Variants in SNX29 observed in about 807,000 individuals in gnomAD.
SNX29 encodes sorting nexin 29.
SNX29 carries 78 observed loss-of-function variants against 102.1 expected under a neutral mutation model. The observed-to-expected ratio is 0.76, with a 90% confidence interval of 0.64 to 0.92. The LOEUF (loss-of-function observed/expected upper bound fraction) is 0.92. Ranked by LOEUF, SNX29 falls within the 40% of genes least tolerant of loss-of-function variation. SNX29 has a pLI of 0.00. For synonymous variants in SNX29, 580 were observed against 414.5 expected (o/e 1.40, Z -4.85); for missense variants, 1,280 against 1,061.7 (o/e 1.21, Z -2.86).
At position 12,568,862 on chromosome 16, in the gene SNX29, A is replaced by C. The variant is rs1395181581; in HGVS notation, c.*233A>C. On this transcript the variant is annotated 3_prime_UTR_variant, in exon 21 of 21. Coordinates refer to ENST00000566228, the MANE Select transcript of SNX29 (RefSeq NM_032167.5). ...CCTCGCTGGAGAGACTGGGACACAC[A>C]GTCCTTCTGCTTCTGGGGTCTACCC... 10 of 618,718 alleles carry C rather than the reference A, an allele frequency of 1.6e-5. No homozygotes were observed. The highest frequency in any genetic ancestry group is 1.3e-4 in the Admixed American group (4 of 30,192). The allele number at this position is 618,718 out of a possible 1,614,324, so 38.3% of individuals were successfully genotyped here. A position where few individuals can be genotyped will look rare whatever the true frequency, so the allele number is the denominator to read the frequency against.
chr16:12,460,531 C>T (rs1314278467), intron 18 of SNX29, among the ~76,000 whole-genome samples: 1 of 152,190 alleles, frequency 6.6e-6, no homozygotes, highest in Non-Finnish European at 1.5e-5. Context: ...CAGCCATCAC[C>T]TCCTCCAGGA....
At chr16:12,178,953 A>G (rs2076321483) in intron 13 of SNX29, among the ~76,000 whole-genome samples, 1 of 152,210 alleles carries the variant, frequency 6.6e-6, no homozygotes, top group Non-Finnish European at 1.5e-5. Context: ...TATCCCATGT[A>G]TCCCTGAGAT....
intron 16 of SNX29, among the ~76,000 whole-genome samples, chr16:12,377,951 A>C (rs143001185): frequency 0.01 from 1,522 of 151,076 alleles, 23 homozygotes; most frequent in African/African-American, 0.035. Context: ...AATCTTACAA[A>C]TAAAATAAAT....
At chr16:12,387,540 G>A (rs1401619667) in intron 16 of SNX29, among the ~76,000 whole-genome samples, 3 of 151,742 alleles carry the variant, frequency 2.0e-5, no homozygotes, top group Non-Finnish European at 4.4e-5. Context: ...AGGGGCTGGG[G>A]TGGGAGGGTG....
In SNX29 at chr16:12,539,664, G is replaced by T. The variant is rs138244093; in HGVS notation, c.2318+14823G>T. 3.0e-3 allele frequency among the ~76,000 whole-genome samples: 464 copies of T among 152,230 alleles called. 3 individuals are homozygous for T. Among genetic ancestry groups the T allele is most frequent in the African/African-American group, 0.01 (427 of 41,530 alleles). On this transcript the variant is annotated intron_variant, in intron 20 of 20. Coordinates refer to ENST00000566228, the MANE Select transcript of SNX29 (RefSeq NM_032167.5). The stretch of plus-strand genomic sequence containing the variant: ...AAACTGCATTCCCACAGCGTATGAG[G>T]GGCCCAGTTGCTCTGCACCCTGGGC...
At chr16:12,023,407 C>CAAA (rs565812913) in intron 3 of SNX29, among the ~76,000 whole-genome samples, 1 of 94,560 alleles carries the variant, frequency 1.1e-5, no homozygotes, top group Non-Finnish European at 2.0e-5. Context: ...GACTCTGTCT[C>CAAA]AAAAAAAAAA....
chr16:12,009,081 T>C (rs1300800446), intron 3 of SNX29, among the ~76,000 whole-genome samples: 1 of 152,190 alleles, frequency 6.6e-6, no homozygotes, highest in East Asian at 1.9e-4. Flanking sequence ...TGTCATATGA[T>C]GCTAGTTTAC....
chr16:12,297,668 A>G (rs2080027682), intron 15 of SNX29, among the ~76,000 whole-genome samples: 1 of 152,170 alleles, frequency 6.6e-6, no homozygotes, highest in East Asian at 1.9e-4. Flanking sequence ...AACACAGTGT[A>G]CACATACTTC....
chr16:12,573,668 G>A lies in SNX29; in HGVS notation c.*5039G>A, dbSNP rs567613025. On this transcript the variant is annotated 3_prime_UTR_variant, in exon 21 of 21. Transcript: ENST00000566228. ...CACCACTCATTCACTGTCAGTGTAG[G>A]TAAGACAGAGGATGCCCTTGCAAAA... The A allele has an allele frequency of 6.7e-5, 15 of 222,744 alleles. No individual in the cohort carries two copies. The highest frequency in any genetic ancestry group is 3.3e-4 in the African/African-American group (15 of 44,842). The allele number at this position is 222,744 out of a possible 1,614,324, so 13.8% of individuals were successfully genotyped here. A position where few individuals can be genotyped will look rare whatever the true frequency, so the allele number is the denominator to read the frequency against.
intron 5 of SNX29, among the ~76,000 whole-genome samples, chr16:12,044,604 A>C (rs964611153): frequency 2.0e-5 from 3 of 151,892 alleles, no homozygotes; most frequent in African/African-American, 7.3e-5. Context: ...TTTGAGAAGA[A>C]GTCTCGCTTT....
At chr16:12,273,123 T>C (rs1003005833) in intron 14 of SNX29, among the ~76,000 whole-genome samples, 2 of 152,068 alleles carry the variant, frequency 1.3e-5, no homozygotes, top group African/African-American at 4.8e-5. Context: ...AGTGTGTTAA[T>C]CCCCCTGGTG....
chr16:12,343,617 G>A (rs1356708337), intron 15 of SNX29, among the ~76,000 whole-genome samples: 2 of 151,960 alleles, frequency 1.3e-5, no homozygotes, highest in East Asian at 3.9e-4. Flanking sequence ...TCCCCTTCCT[G>A]TTCCCAGGGA....
chr16:12,010,051 A>C (rs1389779138), intron 3 of SNX29, among the ~76,000 whole-genome samples: 2 of 152,176 alleles, frequency 1.3e-5, no homozygotes, highest in Non-Finnish European at 2.9e-5. Context: ...ATTTTGGGCA[A>C]GTTTCTTTCT....
At chr16:12,417,553 CTCTT>C (rs2084689340) in intron 18 of SNX29, among the ~76,000 whole-genome samples, 2 of 152,000 alleles carry the variant, frequency 1.3e-5, no homozygotes, top group Non-Finnish European at 2.9e-5. Flanking sequence ...TTTTCCTTTT[CTCTT>C]TCTGTTTCCC....
At chr16:12,017,984 C>T (rs1166415802) in intron 3 of SNX29, among the ~76,000 whole-genome samples, 2 of 152,128 alleles carry the variant, frequency 1.3e-5, no homozygotes, top group South Asian at 2.1e-4. Flanking sequence ...TGGCTCACTG[C>T]AACCCCAGCA....
intron 19 of SNX29, among the ~76,000 whole-genome samples, chr16:12,503,022 T>C (rs561163718): frequency 6.6e-6 from 1 of 152,330 alleles, no homozygotes; most frequent in African/African-American, 2.4e-5. Flanking sequence ...ATCCCATGTA[T>C]CTTGTTTTGT....
intron 16 of SNX29, among the ~76,000 whole-genome samples, chr16:12,385,125 C>G (rs916330400): frequency 6.6e-6 from 1 of 152,158 alleles, no homozygotes; most frequent in South Asian, 2.1e-4. Context: ...AGCCTGAGAT[C>G]GCGCCACTGC....
At chr16:12,009,020 G>A (rs1169082806) in intron 3 of SNX29, among the ~76,000 whole-genome samples, 1 of 151,962 alleles carries the variant, frequency 6.6e-6, no homozygotes, top group East Asian at 1.9e-4. Flanking sequence ...GGGATTACAG[G>A]CATGAGCCAC....
intron 13 of SNX29, among the ~76,000 whole-genome samples, chr16:12,198,104 A>G (rs1220091388): frequency 1.3e-5 from 2 of 152,154 alleles, no homozygotes; most frequent in African/African-American, 4.8e-5. Flanking sequence ...TCTCAGAAAC[A>G]TTTATACTAT....
Sources: gnomAD v4.1 joint callset for allele counts (sites outside exome capture counted in the v4.1 genomes callset) on GRCh38, gnomAD v4.1.1 for gene constraint, MANE v1.5 for transcripts, NCBI Gene and HGNC (gene_info 2026-07-23, HGNC 2026-07-21) for gene names.